Variants in ZC3H8 observed in about 807,000 individuals in gnomAD.
ZC3H8 encodes the protein zinc finger CCCH-type containing 8.
In ZC3H8, 27 loss-of-function variants were observed where a neutral mutation model predicts 42.5. That is an observed-to-expected ratio of 0.64 (90% CI 0.47 to 0.88). The LOEUF (loss-of-function observed/expected upper bound fraction) is 0.88, where lower values mean the gene tolerates loss of function less well. ZC3H8 is among the 40% of genes least tolerant of loss of function. ZC3H8 has a pLI of 0.00. For synonymous variants in ZC3H8, 101 were observed against 110.1 expected (o/e 0.92, Z 0.52); for missense variants, 277 against 336.1 (o/e 0.82, Z 1.37).
At chr2:112,245,194 C>T (rs1027529261) in intron 2 of ZC3H8, among the ~76,000 whole-genome samples, 1 of 152,244 alleles carries the variant, frequency 6.6e-6, no homozygotes, top group Non-Finnish European at 1.5e-5. Flanking sequence ...GAAGATCAAA[C>T]CAGTCATAAC....
chr2:112,254,812 C>T, intron 1 of ZC3H8, 96 bp downstream of exon 1: 1 of 1,423,788 alleles, frequency 7.0e-7, no homozygotes. Context: ...CGACGCGGCC[C>T]GGACGTGGCC....
At chr2:112,220,737 C>T (rs528303747) in intron 8 of ZC3H8, among the ~76,000 whole-genome samples, 2 of 152,222 alleles carry the variant, frequency 1.3e-5, no homozygotes, top group Non-Finnish European at 2.9e-5. Flanking sequence ...AGGAGAATCA[C>T]TTGAATCTGG....
chr2:112,254,683 G>A (rs973634399), intron 1 of ZC3H8, among the ~76,000 whole-genome samples: 4 of 152,340 alleles, frequency 2.6e-5, no homozygotes, highest in East Asian at 1.9e-4. Flanking sequence ...GACAGCCCCG[G>A]CCCTGACGGC....
intron 1 of ZC3H8, chr2:112,254,197 CAGTT>C (rs1270101592): frequency 1.0e-6 from 1 of 969,036 alleles, no homozygotes; most frequent in Non-Finnish European, 1.2e-6. Context: ...AAATATATCT[CAGTT>C]GAGGGAAATA....
At chr2:112,253,632 T>C (rs962140575) in intron 1 of ZC3H8, among the ~76,000 whole-genome samples, 2 of 152,226 alleles carry the variant, frequency 1.3e-5, no homozygotes, top group African/African-American at 4.8e-5. Context: ...TTCCATACCA[T>C]CCTTCACCCA....
intron 8 of ZC3H8, among the ~76,000 whole-genome samples, chr2:112,218,174 C>T (rs1397194746): frequency 6.6e-6 from 1 of 152,190 alleles, no homozygotes; most frequent in African/African-American, 2.4e-5. Context: ...CTTCATCTAT[C>T]TTCCCATTCT....
intron 8 of ZC3H8, among the ~76,000 whole-genome samples, chr2:112,227,935 A>G (rs1270118361): frequency 3.9e-5 from 6 of 152,228 alleles, no homozygotes; most frequent in African/African-American, 1.4e-4. Flanking sequence ...AGAATGTACA[A>G]GCTGATCTTA....
In ZC3H8 at chr2:112,250,205, G is replaced by T; in HGVS notation, c.142C>A (p.Gln48Lys). 6.4e-7 allele frequency: 1 copy of T among 1,564,238 alleles called. No homozygotes were observed. Among genetic ancestry groups the T allele is most frequent in the Non-Finnish European group, 8.7e-7 (1 of 1,153,482 alleles). The change falls in exon 2 of 9, where the codon CAA (glutamine) becomes AAA (lysine). Residue 48 changes from glutamine to lysine, a missense_variant. Coordinates refer to ENST00000409573, the MANE Select transcript of ZC3H8 (RefSeq NM_032494.3). ...CTTAATCTTACTTTTTTGGGAATTT[G>T]CTCGCACTCCAGTTTAATTTTCTCT... The part of the protein sequence containing the change: ...QEEKIKLECE[Q>K]IPKKFRHSAI...
Position 112,255,006 on chromosome 2 carries a change from C to A in ZC3H8, c.-25G>T. On this transcript the variant is annotated 5_prime_UTR_variant, in exon 1 of 9. Coordinates refer to ENST00000409573, the MANE Select transcript of ZC3H8 (RefSeq NM_032494.3). ...TGACCCAGACAGGTCCTCCCTTTCG[C>A]GAGCCGGGAAGCTACAGAGTAACAA... 6.3e-7 allele frequency: 1 copy of A among 1,583,754 alleles called. No individual in the cohort carries two copies. Among genetic ancestry groups the A allele is most frequent in the South Asian group, 1.1e-5 (1 of 87,424 alleles).
intron 8 of ZC3H8, among the ~76,000 whole-genome samples, chr2:112,217,270 C>T (rs1286167914): frequency 2.0e-5 from 3 of 152,046 alleles, no homozygotes; most frequent in Non-Finnish European, 4.4e-5. Context: ...ATTCAGGAGG[C>T]TGAGACATGA....
At chr2:112,254,415 T>C (rs1686055926) in intron 1 of ZC3H8, among the ~76,000 whole-genome samples, 1 of 152,250 alleles carries the variant, frequency 6.6e-6, no homozygotes. Flanking sequence ...AGTGGACTAA[T>C]GGCAGAGTAT....
At chr2:112,251,530 A>C (rs910695286) in intron 1 of ZC3H8, among the ~76,000 whole-genome samples, 1 of 152,174 alleles carries the variant, frequency 6.6e-6, no homozygotes, top group Admixed American at 6.5e-5. Flanking sequence ...GACAATAATG[A>C]CCTCAATAGC....
intron 8 of ZC3H8, among the ~76,000 whole-genome samples, chr2:112,226,926 GAATAA>G (rs1175538467): frequency 9.9e-5 from 15 of 152,076 alleles, no homozygotes; most frequent in African/African-American, 3.1e-4. Context: ...TATATCATGT[GAATAA>G]AATAAGAGGA....
intron 2 of ZC3H8, among the ~76,000 whole-genome samples, chr2:112,249,370 C>T (rs1232691409): frequency 6.6e-6 from 1 of 152,164 alleles, no homozygotes; most frequent in African/African-American, 2.4e-5. Flanking sequence ...CAGAAGGAAC[C>T]AACCCTGCCA....
chr2:112,239,327 A>G (rs1377338251), intron 2 of ZC3H8, among the ~76,000 whole-genome samples: 1 of 152,204 alleles, frequency 6.6e-6, no homozygotes, highest in Admixed American at 6.5e-5. Context: ...AGTATGTATG[A>G]CACATTTTAA....
intron 8 of ZC3H8, among the ~76,000 whole-genome samples, chr2:112,226,002 A>G (rs1368601633): frequency 6.6e-6 from 1 of 151,926 alleles, no homozygotes; most frequent in Non-Finnish European, 1.5e-5. Flanking sequence ...GAATCGCTTG[A>G]ACCCAAGAGG....
rs1684265768 is a variant in ZC3H8, at chr2:112,214,784, T to C, written c.*1700A>G. 1 of 152,118 alleles carries C rather than the reference T, an allele frequency of 6.6e-6. No individual in the cohort carries two copies. Among genetic ancestry groups the C allele is most frequent in the South Asian group, 2.1e-4 (1 of 4,820 alleles). The allele number at this position is 152,118 out of a possible 1,614,324, so 9.4% of individuals were successfully genotyped here. Reference sequence around the variant, plus strand: ...CTGTGAGGTGCTGCCATAACCCAGGTAGGAGAGACCCACAGGCTAGCAGCT... The same window carrying C: ...CTGTGAGGTGCTGCCATAACCCAGGCAGGAGAGACCCACAGGCTAGCAGCT... On this transcript the variant is annotated 3_prime_UTR_variant, in exon 9 of 9. Coordinates refer to ENST00000409573, the MANE Select transcript of ZC3H8 (RefSeq NM_032494.3).
At chr2:112,219,243 A>G (rs1312456926) in intron 8 of ZC3H8, among the ~76,000 whole-genome samples, 1 of 152,222 alleles carries the variant, frequency 6.6e-6, no homozygotes, top group Non-Finnish European at 1.5e-5. Context: ...ATAGACATAT[A>G]GAGCACTGGA....
chr2:112,252,248 T>A (rs1006989940), intron 1 of ZC3H8, among the ~76,000 whole-genome samples: 3 of 152,214 alleles, frequency 2.0e-5, no homozygotes, highest in Non-Finnish European at 4.4e-5. Context: ...GAACTCTTGC[T>A]CTTCTCTCTG....
Sources: gnomAD v4.1 joint callset for allele counts (sites outside exome capture counted in the v4.1 genomes callset) on GRCh38, gnomAD v4.1.1 for gene constraint, MANE v1.5 for transcripts, NCBI Gene and HGNC (gene_info 2026-07-23, HGNC 2026-07-21) for gene names.